Variants in TRIB3 observed in about 807,000 individuals in gnomAD.
TRIB3 encodes tribbles pseudokinase 3, also known as tribbles homolog 3.
In TRIB3, 20 loss-of-function variants were observed where a neutral mutation model predicts 16.6. The observed-to-expected ratio is 1.20, with a 90% CI of 0.85 to 1.75. The LOEUF is 1.75. TRIB3 is among the 40% of genes most tolerant of loss of function. TRIB3 has a pLI of 0.00. For missense variants in TRIB3, 484 were observed against 488.9 expected, an observed-to-expected ratio of 0.99 and a Z score of 0.10; for synonymous variants, 208 against 217.0, an observed-to-expected ratio of 0.96 and a Z score of 0.36.
intron 1 of TRIB3, chr20:382,393 C>A: frequency 1.3e-6 from 1 of 784,854 alleles, no homozygotes; most frequent in Non-Finnish European, 2.0e-6. Context: ...ACTGATGTGG[C>A]ACAGGCCAGA....
intron 1 of TRIB3, among the ~76,000 whole-genome samples, chr20:384,459 G>A (rs1173213297): frequency 6.6e-6 from 1 of 152,044 alleles, no homozygotes; most frequent in African/African-American, 2.4e-5. Flanking sequence ...TGCCTCCCAG[G>A]CTCAAGTGAT....
chr20:393,222 G>C (rs1259902850), intron 3 of TRIB3, among the ~76,000 whole-genome samples: 1 of 152,142 alleles, frequency 6.6e-6, no homozygotes, highest in Admixed American at 6.5e-5. Context: ...AACACCCCTT[G>C]CTGTGCAGGA....
Position 391,449 on chromosome 20 carries a change from C to T in TRIB3, c.454C>T (p.His152Tyr), listed in dbSNP as rs780001008. 14 of 1,613,968 alleles carry T rather than the reference C, an allele frequency of 8.7e-6. No individual in the cohort carries two copies. The South Asian group carries it at 1.2e-4, about 14-fold the overall frequency. Residue 152 changes from histidine to tyrosine, a missense_variant, in exon 3 of 4, where the codon CAC becomes TAC. Coordinates refer to ENST00000217233, the MANE Select transcript of TRIB3 (RefSeq NM_021158.5). ...GDMHSLVRSR[H>Y]RIPEPEAAVL... ...CATGCACAGCCTGGTGCGAAGCCGC[C>T]ACCGTATCCCTGAGCCTGAGGCTGC...
At chr20:395,173 T>C (rs2015091985) in intron 3 of TRIB3, among the ~76,000 whole-genome samples, 1 of 151,960 alleles carries the variant, frequency 6.6e-6, no homozygotes, top group African/African-American at 2.4e-5. Flanking sequence ...TTTTTTTTTT[T>C]TTTTGAGACA....
chr20:389,512 G>A (rs1010210907), intron 2 of TRIB3, among the ~76,000 whole-genome samples: 1 of 152,158 alleles, frequency 6.6e-6, no homozygotes, highest in Non-Finnish European at 1.5e-5. Flanking sequence ...TGACGGAGAT[G>A]CAGTGAACAG....
chr20:392,992 GT>G (rs1277745242), intron 3 of TRIB3, among the ~76,000 whole-genome samples: 4 of 152,222 alleles, frequency 2.6e-5, no homozygotes, highest in Non-Finnish European at 4.4e-5. Flanking sequence ...TTACACAGGA[GT>G]TTTCTGTGGA....
At position 397,170 on chromosome 20, in the gene TRIB3, CCTCTCCCCTGCAACTCAG is replaced by C; in HGVS notation, c.*481_*498del. The stretch of plus-strand genomic sequence containing the variant: ...GTATCCCTGTGCCAAAGGCTCCAGG[CCTCTCCCCTGCAACTCAG>C]GACCCAAGCCCAGCTCACTCTGGGA... On this transcript the variant is annotated 3_prime_UTR_variant, in exon 4 of 4. Transcript: ENST00000217233. The C allele has an allele frequency of 1.9e-5, 3 of 157,030 alleles. No homozygotes were observed. The highest frequency in any genetic ancestry group is 2.8e-5 in the Non-Finnish European group (2 of 70,668). The allele number at this position is 157,030 out of a possible 1,614,324, so 9.7% of individuals were successfully genotyped here. A position where few individuals can be genotyped will look rare whatever the true frequency, so the allele number is the denominator to read the frequency against.
At chr20:381,625 G>C (rs558103278) in intron 1 of TRIB3, 1 of 152,868 alleles carries the variant, frequency 6.5e-6, no homozygotes, top group African/African-American at 2.4e-5. Flanking sequence ...TCCTGGGTGA[G>C]GGTGGGTCCC....
intron 3 of TRIB3, 56 bp from the exon 4 acceptor site, chr20:396,142 G>A: frequency 1.3e-6 from 2 of 1,556,740 alleles, no homozygotes; most frequent in East Asian, 2.3e-5. Flanking sequence ...AGCATGGGGT[G>A]GTGGCATGGG....
chr20:396,538 A>T lies in TRIB3; in HGVS notation c.925A>T (p.Ile309Phe). ...EPAERLTATG[I>F]LLHPWLRQDP... ...AGCTGAACGGCTCACAGCCACAGGC[A>T]TCCTCCTGCACCCCTGGCTGCGACA... Residue 309 changes from isoleucine (I) to phenylalanine (F), a missense_variant, in exon 4 of 4, where the codon ATC (isoleucine) becomes TTC (phenylalanine). Coordinates refer to ENST00000217233, the MANE Select transcript of TRIB3 (RefSeq NM_021158.5). The T allele has an allele frequency of 6.2e-7, 1 of 1,613,164 alleles. No individual in the cohort carries two copies. The highest frequency in any genetic ancestry group is 8.5e-7 in the Non-Finnish European group (1 of 1,180,028).
At chr20:396,143 G>T (rs957827013) in intron 3 of TRIB3, 55 bp from the exon 4 acceptor site, 1 of 1,557,314 alleles carries the variant, frequency 6.4e-7, no homozygotes. Context: ...GCATGGGGTG[G>T]TGGCATGGGG....
chr20:396,235 G>A lies in TRIB3; in HGVS notation c.622G>A (p.Val208Met), dbSNP rs562068333. 1.4e-5 allele frequency: 22 copies of A among 1,613,296 alleles called. No homozygotes were observed. Among genetic ancestry groups the A allele is most frequent in the East Asian group, 1.1e-4 (5 of 44,854 alleles). Residue 208 changes from valine (V) to methionine (M), a missense_variant, in exon 4 of 4, where the codon GTG (valine) becomes ATG (methionine). Transcript: ENST00000217233. ...LVLENLEDSC[V>M]LTGPDDSLWD... ...GCTGGAGAACCTGGAGGACTCCTGC[G>A]TGCTGACTGGGCCAGATGATTCCCT...
At position 387,197 on chromosome 20, in the gene TRIB3, C is replaced by A. The variant is rs112394698; in HGVS notation, c.1-814C>A. 2.5e-3 allele frequency among the ~76,000 whole-genome samples: 387 copies of A among 152,046 alleles called. 1 individual carries two copies. Among genetic ancestry groups the A allele is most frequent in the Middle Eastern group, 3.4e-3 (1 of 292 alleles). ...GACCAGCCTAGGCAATGTAGGGAGA[C>A]CCCCATCTCTACAAAGAATAAAAAA... is the stretch of plus-strand genomic sequence containing the variant. On this transcript the variant is annotated intron_variant, in intron 1 of 3. Coordinates refer to ENST00000217233, the MANE Select transcript of TRIB3 (RefSeq NM_021158.5).
rs2014623601 is a variant in TRIB3, at chr20:381,017, C to T, written c.-153C>T. On this transcript the variant is annotated 5_prime_UTR_variant, in exon 1 of 4. Transcript: ENST00000217233. The stretch of plus-strand genomic sequence containing the variant: ...AGACTCGCAGCGGAAGTGGAGGCGG[C>T]TCCGCGCGCGTCCGCTGCTAGGACC... The T allele has an allele frequency of 6.6e-6, 1 of 152,194 alleles. No individual in the cohort carries two copies. Among genetic ancestry groups the T allele is most frequent in the Admixed American group, 6.5e-5 (1 of 15,288 alleles). 9.4% of individuals were successfully genotyped at this position (152,194 alleles called of 1,614,324 possible).
At chr20:395,264 A>G (rs1253982344) in intron 3 of TRIB3, among the ~76,000 whole-genome samples, 1 of 151,508 alleles carries the variant, frequency 6.6e-6, no homozygotes, top group Non-Finnish European at 1.5e-5. Flanking sequence ...GGCTCAAGTC[A>G]TATCCTTCTG....
chr20:388,717 G>A (rs2014892320), intron 2 of TRIB3, among the ~76,000 whole-genome samples: 1 of 152,166 alleles, frequency 6.6e-6, no homozygotes, highest in Non-Finnish European at 1.5e-5. Flanking sequence ...GCAGAAAGGG[G>A]CAGGAGATGA....
intron 1 of TRIB3, among the ~76,000 whole-genome samples, chr20:387,372 A>C (rs1462312307): frequency 6.6e-6 from 1 of 151,954 alleles, no homozygotes; most frequent in Non-Finnish European, 1.5e-5. Context: ...TCAGAGAGAG[A>C]GATGATAGAT....
In TRIB3 at chr20:394,094, G is replaced by A. The variant is rs1344634279; in HGVS notation, c.585-2104G>A. On this transcript the variant is annotated intron_variant, in intron 3 of 3. Transcript: ENST00000217233. ...TGCCCAGGTTGGAGTGCAGTGGCAC[G>A]ATCTCGGCTCACTGCAACCTCCACC... 2.7e-5 allele frequency among the ~76,000 whole-genome samples: 4 copies of A among 146,392 alleles called. No homozygotes were observed. The East Asian group carries it at 6.1e-4, about 22-fold the overall frequency.
intron 3 of TRIB3, among the ~76,000 whole-genome samples, chr20:392,370 A>G (rs2015004105): frequency 6.6e-6 from 1 of 152,020 alleles, no homozygotes; most frequent in Non-Finnish European, 1.5e-5. Flanking sequence ...TGGGTGACCT[A>G]GTGTCTCTGA....
Sources: gnomAD v4.1 joint callset for allele counts (sites outside exome capture counted in the v4.1 genomes callset) on GRCh38, gnomAD v4.1.1 for gene constraint, MANE v1.5 for transcripts, NCBI Gene and HGNC (gene_info 2026-07-23, HGNC 2026-07-21) for gene names.